The following COL4A6 variants were observed in gnomAD, a reference collection of about 807,000 sequenced individuals.
The protein encoded by COL4A6 is collagen alpha-6(IV) chain.
A neutral mutation model predicts 126.7 loss-of-function variants in COL4A6; 59 were observed. The ratio of observed to expected loss-of-function variants is 0.47; its 90% confidence interval spans 0.38 to 0.58. COL4A6 has a LOEUF of 0.58. Ranked by LOEUF, COL4A6 falls within the 20% of genes least tolerant of loss-of-function variation. The pLI is 0.00. For synonymous variants in COL4A6, 547 were observed against 496.6 expected, an observed-to-expected ratio of 1.10 and a Z score of -1.35; for missense variants, 1,285 against 1,337.3, an observed-to-expected ratio of 0.96 and a Z score of 0.61.
chrX:108,209,171 C>T (rs971363480), intron 8 of COL4A6, among the ~76,000 whole-genome samples: 18 of 111,992 alleles, frequency 1.6e-4, no homozygotes, highest in African/African-American at 5.8e-4. Context: ...CATGAAACTC[C>T]GTAACTCTCT....
chrX:108,359,793 G>A (rs1003463902), intron 2 of COL4A6, among the ~76,000 whole-genome samples: 4 of 111,946 alleles, frequency 3.6e-5, no homozygotes, highest in African/African-American at 1.3e-4. Flanking sequence ...TAAAGTATAG[G>A]GGCTGCCATA....
At chrX:108,191,792 T>C (rs1031162213) in intron 18 of COL4A6, among the ~76,000 whole-genome samples, 5 of 111,582 alleles carry the variant, frequency 4.5e-5, no homozygotes, top group Non-Finnish European at 9.4e-5. Flanking sequence ...TCTGGGTCTC[T>C]AGCCTTTCAT....
At chrX:108,233,752 G>A (rs1392604546) in intron 3 of COL4A6, among the ~76,000 whole-genome samples, 3 of 112,057 alleles carry the variant, frequency 2.7e-5, no homozygotes, top group Non-Finnish European at 5.6e-5. Context: ...GGCATAGCCT[G>A]CCATATAATC....
At position 108,395,828 on chromosome X, in the gene COL4A6, G is replaced by C. The variant is rs183571199; in HGVS notation, c.63+42114C>G. Among the ~76,000 whole-genome samples, 39 of 111,606 alleles carry C rather than the reference G, an allele frequency of 3.5e-4. No individual in the cohort carries two copies. In the East Asian group the frequency reaches 7.6e-3, roughly 22 times the overall value. Reference sequence around the variant, plus strand: ...GGGCTTCATAATAAGAGGGGCTGACGTCATTTTCTCTCCCAGTTAACCACC... The same window carrying C: ...GGGCTTCATAATAAGAGGGGCTGACCTCATTTTCTCTCCCAGTTAACCACC... On this transcript the variant is annotated intron_variant, in intron 2 of 44. Transcript: ENST00000334504.
chrX:108,160,352 G>T, intron 43 of COL4A6, 111 bp downstream of exon 43: 1 of 765,741 alleles, frequency 1.3e-6, no homozygotes, highest in Non-Finnish European at 1.9e-6. Flanking sequence ...GCTGATGCTT[G>T]TAACTCACTA....
intron 3 of COL4A6, among the ~76,000 whole-genome samples, chrX:108,274,697 A>C (rs1423668778): frequency 8.9e-6 from 1 of 112,033 alleles, no homozygotes; most frequent in African/African-American, 3.2e-5. Context: ...TGTTTGAAAA[A>C]TTAAGTTCCA....
In COL4A6 at chrX:108,188,498, A is replaced by G. The variant is rs1334767460; in HGVS notation, c.1587+19T>C. The G allele has an allele frequency of 2.7e-6, 3 of 1,094,193 alleles. No homozygotes were observed. Among genetic ancestry groups the G allele is most frequent in the Non-Finnish European group, 3.6e-6 (3 of 837,055 alleles). 90.2% of individuals were successfully genotyped at this position (1,094,193 alleles called of 1,213,427 possible). A position where few individuals can be genotyped will look rare whatever the true frequency, so the allele number is the denominator to read the frequency against. ...AAGATTCCATTGCTTCCTCAGGGTC[A>G]AAGTTTGGCAAGACTTACTGGAGCC... On this transcript the variant is annotated intron_variant, in intron 21 of 44. Transcript: ENST00000334504.
At chrX:108,428,497 T>C (rs2147383416) in intron 2 of COL4A6, among the ~76,000 whole-genome samples, 1 of 111,864 alleles carries the variant, frequency 8.9e-6, no homozygotes, top group African/African-American at 3.2e-5. Flanking sequence ...GAACAAAGTA[T>C]AATATCATCA....
intron 2 of COL4A6, among the ~76,000 whole-genome samples, chrX:108,435,505 G>A (rs1423150770): frequency 9.0e-6 from 1 of 111,529 alleles, no homozygotes; most frequent in Non-Finnish European, 1.9e-5. Flanking sequence ...CATGCTGTGC[G>A]TGGCCTAGCA....
At chrX:108,175,908 G>T in intron 28 of COL4A6, 111 bp from the exon 29 acceptor site, 1 of 614,352 alleles carries the variant, frequency 1.6e-6, no homozygotes. Flanking sequence ...AAGTTGCAGA[G>T]AAGGAATTCA....
chrX:108,319,734 G>A (rs6622312), intron 2 of COL4A6, among the ~76,000 whole-genome samples: 37,584 of 111,055 alleles, frequency 0.34, 5,426 homozygotes, highest in East Asian at 0.72. Flanking sequence ...AACTGGAGTA[G>A]TCCAGGATAG....
intron 3 of COL4A6, among the ~76,000 whole-genome samples, chrX:108,246,733 A>C (rs1291520934): frequency 1.8e-5 from 2 of 110,304 alleles, no homozygotes; most frequent in Non-Finnish European, 3.8e-5. Flanking sequence ...TCCACAGAGA[A>C]AGTGTCCTAT....
upstream of COL4A6, chrX:108,438,487 TC>T (rs1196110066): frequency 2.0e-6 from 2 of 982,863 alleles, no homozygotes; most frequent in South Asian, 9.1e-5. Flanking sequence ...CTGTCAATCA[TC>T]CCCCCTACCT....
chrX:108,282,451 C>T (rs1333523736), intron 3 of COL4A6, among the ~76,000 whole-genome samples: 1 of 111,067 alleles, frequency 9.0e-6, no homozygotes, highest in African/African-American at 3.3e-5. Context: ...AATGAGATAC[C>T]ATCTCACACC....
chrX:108,378,093 G>A (rs2040484605), intron 2 of COL4A6, among the ~76,000 whole-genome samples: 2 of 110,143 alleles, frequency 1.8e-5, no homozygotes, highest in Non-Finnish European at 3.8e-5. Flanking sequence ...ATGTTTTCAT[G>A]TAGTGGCTTT....
chrX:108,171,033 A>C, intron 33 of COL4A6, 116 bp from the exon 34 acceptor site: 1 of 662,417 alleles, frequency 1.5e-6, no homozygotes, highest in Non-Finnish European at 2.3e-6. Context: ...AAGAAACTCT[A>C]AAAAAGATAG....
chrX:108,297,520 G>T (rs1199232886), intron 3 of COL4A6, among the ~76,000 whole-genome samples: 2 of 110,811 alleles, frequency 1.8e-5, no homozygotes, highest in Admixed American at 1.9e-4. Flanking sequence ...AACCAAAAAT[G>T]TTCCCAGACA....
intron 2 of COL4A6, among the ~76,000 whole-genome samples, chrX:108,366,028 A>G (rs2040190433): frequency 8.9e-6 from 1 of 111,968 alleles, no homozygotes; most frequent in Non-Finnish European, 1.9e-5. Context: ...GTTAGGTGGG[A>G]TCAGATTATT....
At chrX:108,311,493 C>T (rs956812925) in intron 2 of COL4A6, among the ~76,000 whole-genome samples, 1 of 110,993 alleles carries the variant, frequency 9.0e-6, no homozygotes, top group Non-Finnish European at 1.9e-5. Context: ...TGATCCTCAC[C>T]AACCTCATCT....
Sources: gnomAD v4.1 joint callset for allele counts (sites outside exome capture counted in the v4.1 genomes callset) on GRCh38, gnomAD v4.1.1 for gene constraint, MANE v1.5 for transcripts, NCBI Gene and HGNC (gene_info 2026-07-23, HGNC 2026-07-21) for gene names.